The following ABL1 variants were observed in gnomAD, a reference collection of about 807,000 sequenced individuals.
ABL1 encodes the protein tyrosine-protein kinase ABL1.
ABL1 carries 11 observed loss-of-function variants against 94.7 expected under a neutral mutation model. That is an observed-to-expected ratio of 0.12 (90% CI 0.07 to 0.19). ABL1 has a LOEUF of 0.19. ABL1 is among the 10% of genes least tolerant of loss of function. ABL1 has a pLI of 1.00. For missense variants in ABL1, 1,082 were observed against 1,489.4 expected, an observed-to-expected ratio of 0.73 and a Z score of 4.50; for synonymous variants, 656 against 622.4, an observed-to-expected ratio of 1.05 and a Z score of -0.80.
chr9:130,843,848 T>G (rs1588263344), intron 1 of ABL1, among the ~76,000 whole-genome samples: 1 of 151,234 alleles, frequency 6.6e-6, no homozygotes, highest in African/African-American at 2.4e-5. Flanking sequence ...AAAGCAGGAG[T>G]AGAGGGCCAG....
At position 130,880,535 on chromosome 9, in the gene ABL1, G is replaced by C; in HGVS notation, c.1549G>C (p.Gly517Arg). The change falls in exon 10 of 11, where the codon GGG becomes CGG. Residue 517 changes from glycine (G) to arginine (R), a missense_variant. Gly to Arg is a moderately radical substitution (Grantham distance 125). Around this residue, in one of 7 missense-constraint regions of ABL1, gnomAD observed 780 missense variants for 835.8 expected, o/e 0.93. Transcript: ENST00000318560. This position sits in a 1 kb window ranked among gnomAD's most constrained non-coding sequence, Gnocchi z 4.4. ...EKELGKQGVR[G>R]AVSTLLQAPE... ...GGAGCTGGGGAAACAAGGCGTCCGT[G>C]GGGCTGTGAGTACCTTGCTGCAGGC... The C allele has an allele frequency of 6.2e-7, 1 of 1,613,930 alleles. No homozygotes were observed. Among genetic ancestry groups the C allele is most frequent in the Non-Finnish European group, 8.5e-7 (1 of 1,179,920 alleles).
At chr9:130,790,729 G>C (rs4065994) in intron 1 of ABL1, among the ~76,000 whole-genome samples, 39,774 of 151,196 alleles carry the variant, frequency 0.26, 7,371 homozygotes, top group African/African-American at 0.54. Flanking sequence ...CTGCCTCAGC[G>C]TCCCAAAGTG....
chr9:130,864,668 T>G (rs946815570), intron 4 of ABL1, among the ~76,000 whole-genome samples: 4 of 152,140 alleles, frequency 2.6e-5, no homozygotes, highest in Admixed American at 2.6e-4. Flanking sequence ...CATAGGGTGG[T>G]CCAGGTAGTA....
chr9:130,714,426 G>A (rs751077988), exon 1 of ABL1: 2 of 1,614,106 alleles, frequency 1.2e-6, no homozygotes, highest in Admixed American at 3.3e-5. Flanking sequence ...AGGCATGGGG[G>A]TCCACACTGC....
chr9:130,724,372 A>G (rs1831552149), intron 1 of ABL1, among the ~76,000 whole-genome samples: 4 of 152,208 alleles, frequency 2.6e-5, no homozygotes, highest in Admixed American at 1.3e-4. Context: ...AAAGTTCTCA[A>G]ATAGCTAACT....
At chr9:130,739,346 T>A (rs1831785919) in intron 1 of ABL1, among the ~76,000 whole-genome samples, 1 of 152,040 alleles carries the variant, frequency 6.6e-6, no homozygotes, top group African/African-American at 2.4e-5. Context: ...TCAATCTAAA[T>A]GCATAGTCCT....
chr9:130,804,290 CG>C (rs2132837422), intron 1 of ABL1, among the ~76,000 whole-genome samples: 1 of 128,740 alleles, frequency 7.8e-6, no homozygotes, highest in Non-Finnish European at 1.6e-5. Context: ...ACCCAGGAGG[CG>C]GATCTCGGCA....
chr9:130,842,070 G>C (rs1039633162), intron 1 of ABL1, among the ~76,000 whole-genome samples: 1 of 145,506 alleles, frequency 6.9e-6, no homozygotes, highest in African/African-American at 2.5e-5. Flanking sequence ...GGAAGACTGA[G>C]AGAAGGGAGA....
intron 1 of ABL1, among the ~76,000 whole-genome samples, chr9:130,845,325 A>C (rs1830747653): frequency 6.6e-6 from 1 of 152,030 alleles, no homozygotes; most frequent in Admixed American, 6.6e-5. Context: ...TATCCCCATC[A>C]ACAGTCCAAA....
At chr9:130,773,325 TA>T (rs903131464) in intron 1 of ABL1, among the ~76,000 whole-genome samples, 14 of 151,098 alleles carry the variant, frequency 9.3e-5, no homozygotes, top group Admixed American at 2.0e-4. Context: ...ATCTCGAATT[TA>T]AAAAAAAATT....
At position 130,750,393 on chromosome 9, in the gene ABL1, TTCCCTTCCTCCCTCCCTCCC is replaced by T. The variant is rs1233070168; in HGVS notation, c.136+35944_136+35963del. On this transcript the variant is annotated intron_variant, in intron 1 of 10. Coordinates refer to the ABL1 transcript ENST00000372348. ...CATCCTTCCTTCCCTCCTTCCCTCC[TTCCCTTCCTCCCTCCCTCCC>T]TCCCTCCCTCCCTCCCTCCCTCCCT... Among the ~76,000 whole-genome samples the T allele has an allele frequency of 8.1e-3, 938 of 116,306 alleles. 19 individuals are homozygous for T. The highest frequency in any genetic ancestry group is 0.027 in the African/African-American group (882 of 32,626). The allele number at this position is 116,306 out of a possible 152,430, so 76.3% of individuals were successfully genotyped here.
intron 1 of ABL1, among the ~76,000 whole-genome samples, chr9:130,792,362 A>T (rs560403717): frequency 6.6e-6 from 1 of 152,308 alleles, no homozygotes; most frequent in African/African-American, 2.4e-5. Context: ...TGGTAACATA[A>T]GTGAGTCTTG....
chr9:130,758,417 C>T (rs747297490), intron 1 of ABL1, among the ~76,000 whole-genome samples: 5 of 152,116 alleles, frequency 3.3e-5, no homozygotes, highest in Non-Finnish European at 7.3e-5. Flanking sequence ...GCCTTGGCCT[C>T]CCAAAGTGCT....
rs1410641197 is a variant in ABL1 at position 130,880,849 on chromosome 9, T to TCCCTCTGAGAGTC, written c.1678+189_1678+201dup. 6.6e-6 allele frequency among the ~76,000 whole-genome samples: 1 copy of TCCCTCTGAGAGTC among 152,346 alleles called. No individual in the cohort carries two copies. The highest frequency in any genetic ancestry group is 6.5e-5 in the Admixed American group (1 of 15,308). On this transcript the variant is annotated intron_variant, in intron 10 of 10. Transcript: ENST00000318560. The surrounding 1 kb of genome is among the most constrained non-coding windows in gnomAD (Gnocchi z 4.4). The stretch of plus-strand genomic sequence containing the variant: ...CTCTCCCCACCTGCCTCCTATCCCC[T>TCCCTCTGAGAGTC]CCCTCTGAGAGTCCCCGAGGAGCAT...
chr9:130,822,132 C>T (rs976055544), intron 1 of ABL1, among the ~76,000 whole-genome samples: 1 of 152,146 alleles, frequency 6.6e-6, no homozygotes, highest in Non-Finnish European at 1.5e-5. Context: ...GCCACCATGC[C>T]TGGCAAATTT....
intron 1 of ABL1, among the ~76,000 whole-genome samples, chr9:130,720,488 C>T (rs1053849890): frequency 1.3e-5 from 2 of 152,058 alleles, no homozygotes; most frequent in African/African-American, 2.4e-5. Flanking sequence ...CTAGAGGCCA[C>T]TGCACCAGAG....
At chr9:130,787,501 C>A (rs1829845724) in intron 1 of ABL1, among the ~76,000 whole-genome samples, 1 of 152,174 alleles carries the variant, frequency 6.6e-6, no homozygotes, top group South Asian at 2.1e-4. Context: ...CCAGGAGCAG[C>A]AGATCTTTGC....
chr9:130,729,418 A>C (rs1310113744), intron 1 of ABL1, among the ~76,000 whole-genome samples: 2 of 152,234 alleles, frequency 1.3e-5, no homozygotes, highest in African/African-American at 4.8e-5. Context: ...TGCCCTACAA[A>C]TTCTACCTGC....
chr9:130,878,486 G>A lies in ABL1; in HGVS notation c.1342G>A (p.Val448Met). 6.2e-7 allele frequency: 1 copy of A among 1,614,242 alleles called. No homozygotes were observed. Among genetic ancestry groups the A allele is most frequent in the Non-Finnish European group, 8.5e-7 (1 of 1,180,038 alleles). The part of the protein sequence containing the change: ...SPYPGIDLSQ[V>M]YELLEKDYRM... ...TTACCCGGGAATTGACCTGTCCCAG[G>A]TGTATGAGCTGCTAGAGAAGGACTA... Residue 448 changes from valine (V) to methionine (M), a missense_variant, in exon 8 of 11, where the codon GTG becomes ATG. Coordinates refer to ENST00000318560, the MANE Select transcript of ABL1 (RefSeq NM_005157.6).
Sources: gnomAD v4.1 joint callset for allele counts (sites outside exome capture counted in the v4.1 genomes callset) on GRCh38, gnomAD v4.1.1 for gene constraint, gnomAD v4.1.1 regional missense constraint, Gnocchi (gnomAD v3.1) non-coding constraint, MANE v1.5 for transcripts, NCBI Gene and HGNC (gene_info 2026-07-23, HGNC 2026-07-21) for gene names.